Variants in PHF3 observed in about 807,000 individuals in gnomAD.
PHF3 encodes PHD finger protein 3.
In PHF3, 41 loss-of-function variants were observed where a neutral mutation model predicts 178.4. The observed-to-expected ratio is 0.23, with a 90% CI of 0.18 to 0.30. The LOEUF (loss-of-function observed/expected upper bound fraction) is 0.30, where lower values mean the gene tolerates loss of function less well. PHF3 is among the 10% of genes least tolerant of loss of function. The pLI is 1.00. For missense variants in PHF3, 2,346 were observed against 2,398.1 expected, an observed-to-expected ratio of 0.98 and a Z score of 0.45; for synonymous variants, 842 against 800.5, an observed-to-expected ratio of 1.05 and a Z score of -0.88.
At chr6:63,703,711 A>G (rs1767575932) in intron 11 of PHF3, 40 bp downstream of exon 11, 2 of 1,574,054 alleles carry the variant, frequency 1.3e-6, no homozygotes, top group East Asian at 2.3e-5. Context: ...TGCATTCATT[A>G]TGAAAGAAGG....
chr6:63,716,710 G>T lies in PHF3; in HGVS notation c.*3002G>T, dbSNP rs1050403880. 1.5e-4 allele frequency among the ~76,000 whole-genome samples: 23 copies of T among 151,810 alleles called. No individual in the cohort carries two copies. Among genetic ancestry groups the T allele is most frequent in the African/African-American group, 5.6e-4 (23 of 41,302 alleles). Reference sequence around the variant, plus strand: ...GCGCCTTGGTTTCTAGCTTCTAGAGGGCACCCAATTTCCTTGGCTCATGAT... The same window carrying T: ...GCGCCTTGGTTTCTAGCTTCTAGAGTGCACCCAATTTCCTTGGCTCATGAT... On this transcript the variant is annotated 3_prime_UTR_variant, in exon 16 of 16. Coordinates refer to ENST00000262043, the MANE Select transcript of PHF3 (RefSeq NM_001370348.2).
At chr6:63,643,655 A>G (rs1176227909) in intron 1 of PHF3, among the ~76,000 whole-genome samples, 1 of 152,220 alleles carries the variant, frequency 6.6e-6, no homozygotes, top group Non-Finnish European at 1.5e-5. Flanking sequence ...TTGTTAAAGA[A>G]ACATAACTTC....
chr6:63,663,541 C>G (rs183604759), intron 2 of PHF3, among the ~76,000 whole-genome samples: 1 of 152,180 alleles, frequency 6.6e-6, no homozygotes, highest in African/African-American at 2.4e-5. Context: ...GAAACACTTT[C>G]TGTACTCCAG....
At chr6:63,710,432 C>T (rs972511065) in intron 14 of PHF3, among the ~76,000 whole-genome samples, 3 of 152,126 alleles carry the variant, frequency 2.0e-5, no homozygotes, top group African/African-American at 7.2e-5. Context: ...CACATGTTTT[C>T]CTTAGGAGCT....
chr6:63,716,415 C>T lies in PHF3; in HGVS notation c.*2707C>T, dbSNP rs559932915. 3.3e-5 allele frequency among the ~76,000 whole-genome samples: 5 copies of T among 152,134 alleles called. No individual in the cohort carries two copies. Among genetic ancestry groups the T allele is most frequent in the Admixed American group, 3.3e-4 (5 of 15,250 alleles). On this transcript the variant is annotated 3_prime_UTR_variant, in exon 16 of 16. Transcript: ENST00000262043. Reference sequence around the variant, plus strand: ...CCCTTCACTGAGCAACCCAACTGTTCAGTGTGAGTCAGAAGACACAACCAA... The same window carrying T: ...CCCTTCACTGAGCAACCCAACTGTTTAGTGTGAGTCAGAAGACACAACCAA...
At chr6:63,646,430 T>C in intron 1 of PHF3, 97 bp from the exon 2 acceptor site, 1 of 754,252 alleles carries the variant, frequency 1.3e-6, no homozygotes. Flanking sequence ...ATACCTTAAG[T>C]GTGTTCTTAG....
At position 63,712,005 on chromosome 6, in the gene PHF3, CT is replaced by C; in HGVS notation, c.4421del (p.Leu1474TrpfsTer14). 1 of 1,613,680 alleles carries C rather than the reference CT, an allele frequency of 6.2e-7. No homozygotes were observed. The highest frequency in any genetic ancestry group is 8.5e-7 in the Non-Finnish European group (1 of 1,179,922). The stretch of plus-strand genomic sequence containing the variant: ...TCCTGTGGATGATATACTTCAAAGC[CT>C]TTTGGGCACCACTGGTCAAGTATAT... ...PLPVDDILQS[L>X]LGTTGQVYDQ... On this transcript the variant is annotated frameshift_variant, in exon 16 of 16. Coordinates refer to ENST00000262043, the MANE Select transcript of PHF3 (RefSeq NM_001370348.2). LOFTEE classifies it high-confidence loss of function.
intron 2 of PHF3, among the ~76,000 whole-genome samples, chr6:63,654,757 G>A (rs1765160722): frequency 6.6e-6 from 1 of 152,154 alleles, no homozygotes; most frequent in African/African-American, 2.4e-5. Flanking sequence ...GGGGGAACTT[G>A]TGGTTCTCCA....
At position 63,713,423 on chromosome 6, in the gene PHF3, G is replaced by T; in HGVS notation, c.5835G>T (p.Arg1945Ser). The stretch of plus-strand genomic sequence containing the variant: ...AGGAATGGGAGCAAGAATCTGAAAG[G>T]CATAGACGCAGAGACAGAAGCCAAG... ...HEKEWEQESE[R>S]HRRRDRSQDK... Residue 1945 changes from arginine to serine, a missense_variant, in exon 16 of 16, where the codon AGG becomes AGT. This residue lies in a region of PHF3 where 839 missense variants were observed against 806.9 expected (regional missense o/e 1.04). Coordinates refer to ENST00000262043, the MANE Select transcript of PHF3 (RefSeq NM_001370348.2). 2 of 1,613,920 alleles carry T rather than the reference G, an allele frequency of 1.2e-6. No homozygotes were observed. Among genetic ancestry groups the T allele is most frequent in the East Asian group, 4.5e-5 (2 of 44,852 alleles).
In PHF3 at chr6:63,684,958, G is replaced by A; in HGVS notation, c.1236G>A (p.Glu412=). 6.2e-7 allele frequency: 1 copy of A among 1,613,964 alleles called. No individual in the cohort carries two copies. The highest frequency in any genetic ancestry group is 2.2e-5 in the East Asian group (1 of 44,868). ...CEDAESNRQL[E]STEFNKSNLE... ...ATGCGGAGTCTAATAGGCAGTTGGA[G>A]AGCACTGAGTTTAATAAATCAAACT... The change falls in exon 4 of 16, where the codon GAG becomes GAA. Residue 412 remains glutamate, a synonymous_variant. Transcript: ENST00000262043.
Position 63,715,905 on chromosome 6 carries a change from A to G in PHF3, c.*2197A>G, listed in dbSNP as rs148446305. On this transcript the variant is annotated 3_prime_UTR_variant, in exon 16 of 16. Transcript: ENST00000262043. ...CCAGCCTTACACAAACTAGTGAATT[A>G]CATGAATTTCATCTTTCAGTTTCTC... Among the ~76,000 whole-genome samples the G allele has an allele frequency of 5.9e-5, 9 of 152,272 alleles. No homozygotes were observed. In the East Asian group the frequency reaches 1.7e-3, roughly 29 times the overall value.
At chr6:63,671,129 C>A (rs1245161597) in intron 2 of PHF3, among the ~76,000 whole-genome samples, 1 of 151,362 alleles carries the variant, frequency 6.6e-6, no homozygotes, top group African/African-American at 2.4e-5. Context: ...AAACCTATTC[C>A]TGTTTTACAG....
intron 10 of PHF3, among the ~76,000 whole-genome samples, 196 bp downstream of exon 10, chr6:63,702,835 G>A (rs1315199570): frequency 6.6e-6 from 1 of 152,166 alleles, no homozygotes; most frequent in Non-Finnish European, 1.5e-5. Flanking sequence ...CTGTTGAACA[G>A]TTATTACAGT....
At chr6:63,639,205 A>ATGATCT in intron 1 of PHF3, among the ~76,000 whole-genome samples, 1 of 152,294 alleles carries the variant, frequency 6.6e-6, no homozygotes, top group East Asian at 1.9e-4. Context: ...AAATTTTAAG[A>ATGATCT]TATTTCCAGA....
rs897273559 is a variant in PHF3 at position 63,685,174 on chromosome 6, A to G, written c.1452A>G (p.Lys484=). 4 of 1,613,902 alleles carry G rather than the reference A, an allele frequency of 2.5e-6. No homozygotes were observed. In the African/African-American group the frequency reaches 4.0e-5, roughly 16 times the overall value. The change falls in exon 4 of 16, where the codon AAA becomes AAG. Residue 484 remains lysine, a synonymous_variant. Coordinates refer to ENST00000262043, the MANE Select transcript of PHF3 (RefSeq NM_001370348.2). ...GTAGCGTTTCTTACTTAGAGTCAAA[A>G]AGTGTAAAATCCAAACATACAAAAC... ...QSSSVSYLES[K]SVKSKHTKPV... is the part of the protein sequence containing the mutation.
intron 2 of PHF3, 89 bp downstream of exon 2, chr6:63,646,884 CTTTTTTTT>C (rs745751113): frequency 2.4e-5 from 14 of 594,614 alleles, no homozygotes; most frequent in South Asian, 1.2e-4. Context: ...TTCTTTTTTT[CTTTTTTTT>C]TTTTTTAATG....
At chr6:63,706,929 G>T in intron 13 of PHF3, 53 bp downstream of exon 13, 3 of 1,492,230 alleles carry the variant, frequency 2.0e-6, no homozygotes, top group Non-Finnish European at 1.9e-6. Context: ...GTGTGTTTCT[G>T]AAAGTAATTG....
chr6:63,673,224 G>A (rs994086760), intron 2 of PHF3, among the ~76,000 whole-genome samples: 2 of 152,078 alleles, frequency 1.3e-5, no homozygotes, highest in African/African-American at 4.8e-5. Context: ...GTGTGGAGGT[G>A]CAGACCCAAT....
chr6:63,660,283 G>A (rs998172241), intron 2 of PHF3, among the ~76,000 whole-genome samples: 4 of 151,792 alleles, frequency 2.6e-5, no homozygotes, highest in African/African-American at 4.8e-5. Flanking sequence ...AGGTAGACGT[G>A]TACTGCAAGC....
Sources: gnomAD v4.1 joint callset for allele counts (sites outside exome capture counted in the v4.1 genomes callset) on GRCh38, gnomAD v4.1.1 for gene constraint, gnomAD v4.1.1 regional missense constraint, MANE v1.5 for transcripts, NCBI Gene and HGNC (gene_info 2026-07-23, HGNC 2026-07-21) for gene names.